The following PABPC4L variants were observed in gnomAD, a reference collection of about 807,000 sequenced individuals.
PABPC4L encodes polyadenylate-binding protein 4-like.
For missense variants in PABPC4L, 452 were observed against 451.4 expected (o/e 1.00, Z -0.01); for synonymous variants, 169 against 164.1 (o/e 1.03, Z -0.23).
the PABPC4L span, among the ~76,000 whole-genome samples, chr4:133,995,197 C>T: frequency 6.6e-6 from 1 of 152,206 alleles, no homozygotes; most frequent in Middle Eastern, 3.2e-3. Flanking sequence ...AAATGTTTCC[C>T]CTTTTTACAG....
At chr4:134,036,953 G>T in the PABPC4L span, among the ~76,000 whole-genome samples, 2 of 151,848 alleles carry the variant, frequency 1.3e-5, no homozygotes, top group Non-Finnish European at 2.9e-5. Context: ...CTACTCGGGA[G>T]GCTGAGGCAG....
At chr4:134,162,719 C>T in the PABPC4L span, among the ~76,000 whole-genome samples, 4 of 152,034 alleles carry the variant, frequency 2.6e-5, no homozygotes, top group Non-Finnish European at 1.5e-5. Context: ...AACCTCAAGA[C>T]TATAGAAATA....
the PABPC4L span, among the ~76,000 whole-genome samples, chr4:134,138,014 A>G: frequency 6.6e-6 from 1 of 151,704 alleles, no homozygotes; most frequent in South Asian, 2.1e-4. Context: ...GTATTTTTCC[A>G]TTTATTTATA....
At chr4:134,022,965 A>T in the PABPC4L span, among the ~76,000 whole-genome samples, 2 of 148,058 alleles carry the variant, frequency 1.4e-5, no homozygotes, top group African/African-American at 5.1e-5. Context: ...TCAGGATTCC[A>T]AAAGGGTTGG....
the PABPC4L span, among the ~76,000 whole-genome samples, chr4:134,134,372 TA>T: frequency 6.6e-6 from 1 of 152,120 alleles, no homozygotes; most frequent in Admixed American, 6.6e-5. Context: ...GAACTTAGAT[TA>T]AAAAAGTGGA....
chr4:134,131,849 T>C, the PABPC4L span, among the ~76,000 whole-genome samples: 4 of 147,806 alleles, frequency 2.7e-5, no homozygotes, highest in South Asian at 8.9e-4. Flanking sequence ...AACAGCATAA[T>C]ACTGTTGTAC....
chr4:134,017,620 C>G, the PABPC4L span, among the ~76,000 whole-genome samples: 9 of 152,178 alleles, frequency 5.9e-5, no homozygotes, highest in East Asian at 1.7e-3. Flanking sequence ...CTTAAGCACT[C>G]TCTAATTAGA....
chr4:134,143,257 T>A, the PABPC4L span, among the ~76,000 whole-genome samples: 1 of 150,402 alleles, frequency 6.6e-6, no homozygotes, highest in East Asian at 1.9e-4. Flanking sequence ...CTTAATAATA[T>A]CTTAATAATA....
At chr4:134,036,037 A>G in the PABPC4L span, among the ~76,000 whole-genome samples, 1 of 152,130 alleles carries the variant, frequency 6.6e-6, no homozygotes, top group African/African-American at 2.4e-5. Flanking sequence ...CCTTTCCTTG[A>G]CACTTAGGGA....
chr4:134,162,111 T>C, the PABPC4L span, among the ~76,000 whole-genome samples: 8 of 151,740 alleles, frequency 5.3e-5, no homozygotes, highest in Middle Eastern at 3.4e-3. Flanking sequence ...AATTAAAAAA[T>C]ACTACCAGAG....
the PABPC4L span, among the ~76,000 whole-genome samples, chr4:134,025,063 G>A: frequency 1.3e-5 from 2 of 150,184 alleles, no homozygotes; most frequent in Non-Finnish European, 3.0e-5. Flanking sequence ...AGGCACGGTG[G>A]CTCACACCTG....
chr4:134,112,523 GC>G, the PABPC4L span, among the ~76,000 whole-genome samples: 1 of 151,612 alleles, frequency 6.6e-6, no homozygotes, highest in African/African-American at 2.4e-5. Flanking sequence ...AGTTGTTACT[GC>G]AAAAAACAAC....
the PABPC4L span, among the ~76,000 whole-genome samples, chr4:134,083,547 G>A: frequency 1.3e-5 from 2 of 152,086 alleles, no homozygotes; most frequent in Admixed American, 6.6e-5. Flanking sequence ...GCAGGTTTCC[G>A]CAGCTGTCTC....
chr4:134,148,720 C>T, the PABPC4L span, among the ~76,000 whole-genome samples: 1 of 152,114 alleles, frequency 6.6e-6, no homozygotes, highest in Non-Finnish European at 1.5e-5. Flanking sequence ...TGCACAGCAA[C>T]AACCCCACCT....
At chr4:134,001,029 C>A in the PABPC4L span, among the ~76,000 whole-genome samples, 1 of 151,894 alleles carries the variant, frequency 6.6e-6, no homozygotes, top group Non-Finnish European at 1.5e-5. Flanking sequence ...CTTTGGTGAA[C>A]CCTGACTGAT....
chr4:133,961,049 TTAC>T, the PABPC4L span, among the ~76,000 whole-genome samples: 1 of 152,084 alleles, frequency 6.6e-6, no homozygotes, highest in African/African-American at 2.4e-5. Flanking sequence ...GTTGCTCTCC[TTAC>T]TACCACAGCT....
chr4:134,200,707 G>T lies in PABPC4L; in HGVS notation c.313C>A (p.Leu105Met), dbSNP rs1347144583. ...GTTTTGTTATCGATAGATTTGTCCA[G>T]ATTCTTGATGAATACGTTCCCAATT... Reference protein sequence around the residue: ...SGIGNVFIKNLDKSIDNKTLY... With the variant: ...SGIGNVFIKNMDKSIDNKTLY... Residue 105 changes from leucine to methionine, a missense_variant, in exon 2 of 2, where the codon CTG (leucine) becomes ATG (methionine). Physicochemically the swap from Leu to Met is conservative, Grantham distance 15 (BLOSUM62 2). Coordinates refer to ENST00000421491, the MANE Select transcript of PABPC4L (RefSeq NM_001114734.2). The T allele has an allele frequency of 2.6e-6, 4 of 1,551,648 alleles. No individual in the cohort carries two copies. Among genetic ancestry groups the T allele is most frequent in the Non-Finnish European group, 2.6e-6 (3 of 1,146,968 alleles).
the PABPC4L span, among the ~76,000 whole-genome samples, chr4:134,175,425 AAATTAATTAATTAATTAATCAATC>A: frequency 2.0e-5 from 3 of 151,796 alleles, no homozygotes; most frequent in Non-Finnish European, 4.4e-5. Context: ...TTTATTTTTT[AAATTAATTAATTAATTAATCAATC>A]AATTAATTAA....
chr4:134,081,279 G>T, the PABPC4L span, among the ~76,000 whole-genome samples: 2 of 152,104 alleles, frequency 1.3e-5, no homozygotes, highest in Non-Finnish European at 2.9e-5. Flanking sequence ...GGCTGGAGTT[G>T]CCCCGAAAGC....
Sources: gnomAD v4.1 joint callset for allele counts (sites outside exome capture counted in the v4.1 genomes callset) on GRCh38, gnomAD v4.1.1 for gene constraint, MANE v1.5 for transcripts, NCBI Gene and HGNC (gene_info 2026-07-23, HGNC 2026-07-21) for gene names.